SYN3: variants seen among roughly 807,000 people sequenced by gnomAD.
SYN3 encodes the protein synapsin-3.
Under a neutral mutation model 65.8 loss-of-function variants are expected in SYN3, and 35 were observed. The observed-to-expected ratio is 0.53, with a 90% CI of 0.41 to 0.70. SYN3 has a LOEUF of 0.70. SYN3 is among the 30% of genes least tolerant of loss of function. The pLI, the probability that SYN3 is intolerant of heterozygous loss-of-function variation, is 0.00. For missense variants in SYN3, 680 were observed against 749.0 expected, an observed-to-expected ratio of 0.91 and a Z score of 1.08; for synonymous variants, 270 against 292.9, an observed-to-expected ratio of 0.92 and a Z score of 0.80.
At chr22:32,596,766 A>C in intron 6 of SYN3, 30 bp from the exon 7 acceptor site, 3 of 1,611,322 alleles carry the variant, frequency 1.9e-6, no homozygotes, top group Non-Finnish European at 2.5e-6. Flanking sequence ...GTCACTCTTA[A>C]CATCTCAGAG....
At chr22:33,034,702 C>T (rs1208735513) in intron 1 of SYN3, among the ~76,000 whole-genome samples, 6 of 152,100 alleles carry the variant, frequency 3.9e-5, no homozygotes, top group East Asian at 3.9e-4. Flanking sequence ...CACACAACCC[C>T]GTAAAGCAAA....
At chr22:32,679,839 C>CTTTTTTTTTTGTTTTTTT (rs2060497876) in intron 6 of SYN3, among the ~76,000 whole-genome samples, 2 of 39,146 alleles carry the variant, frequency 5.1e-5, no homozygotes, top group African/African-American at 9.1e-5. Context: ...TGTTTTTTGG[C>CTTTTTTTTTTGTTTTTTT]TTTTTTTTTT....
rs758927603 is a variant in SYN3 at position 33,015,840 on chromosome 22, C to CTTTTTTTTTTTTTTTTTTTTTTT, written c.-162-9017_-162-9016insAAAAAAAAAAAAAAAAAAAAAAA. ...ACTGAACATTTAATAGGCAAATTTT[C>CTTTTTTTTTTTTTTTTTTTTTTT]TTTTCTTTTTTTTTTTTTTTAAGAC... On this transcript the variant is annotated intron_variant, in intron 1 of 13. Coordinates refer to ENST00000358763, the MANE Select transcript of SYN3 (RefSeq NM_003490.4). Among the ~76,000 whole-genome samples, 4 of 139,984 alleles carry CTTTTTTTTTTTTTTTTTTTTTTT rather than the reference C, an allele frequency of 2.9e-5. 1 individual carries two copies. The highest frequency in any genetic ancestry group is 4.5e-5 in the Non-Finnish European group (3 of 65,962). 91.8% of individuals were successfully genotyped at this position (139,984 alleles called of 152,430 possible). A position where few individuals can be genotyped will look rare whatever the true frequency, so the allele number is the denominator to read the frequency against.
chr22:32,651,723 T>G (rs1382487690), intron 6 of SYN3, among the ~76,000 whole-genome samples: 1 of 152,190 alleles, frequency 6.6e-6, no homozygotes, highest in Non-Finnish European at 1.5e-5. Flanking sequence ...CTTCCCAAAC[T>G]GCTACTGATG....
chr22:32,868,365 AATATCAT>A (rs2048745542), intron 5 of SYN3, among the ~76,000 whole-genome samples: 1 of 151,286 alleles, frequency 6.6e-6, no homozygotes, highest in African/African-American at 2.4e-5. Flanking sequence ...ACATATATGT[AATATCAT>A]ATATCATATA....
chr22:32,833,706 C>T, intron 6 of SYN3: 2 of 465,402 alleles, frequency 4.3e-6, no homozygotes, highest in Admixed American at 2.1e-5. Flanking sequence ...CTATGTCCAC[C>T]ACTTCCGCAT....
At chr22:33,030,280 C>T (rs996258542) in intron 1 of SYN3, among the ~76,000 whole-genome samples, 2 of 152,222 alleles carry the variant, frequency 1.3e-5, no homozygotes, top group Admixed American at 1.3e-4. Flanking sequence ...AATAAGTGCC[C>T]TCCTTCCTAG....
At chr22:32,514,924 G>A (rs2057746393) in intron 13 of SYN3, among the ~76,000 whole-genome samples, 1 of 152,112 alleles carries the variant, frequency 6.6e-6, no homozygotes, top group South Asian at 2.1e-4. Flanking sequence ...GCTGAGGCAG[G>A]AGAATGGCAT....
intron 7 of SYN3, among the ~76,000 whole-genome samples, chr22:32,554,621 T>C (rs905277635): frequency 6.6e-6 from 1 of 152,182 alleles, no homozygotes; most frequent in Non-Finnish European, 1.5e-5. Context: ...GTACCCCTGC[T>C]TTCTTTAAAA....
chr22:32,820,529 A>T (rs2047216853), intron 6 of SYN3, among the ~76,000 whole-genome samples: 1 of 151,854 alleles, frequency 6.6e-6, no homozygotes, highest in South Asian at 2.1e-4. Context: ...CCTTAACCCC[A>T]TTTACTTTGA....
intron 1 of SYN3, among the ~76,000 whole-genome samples, chr22:33,032,230 G>T (rs1313560896): frequency 6.7e-6 from 1 of 149,802 alleles, no homozygotes; most frequent in Non-Finnish European, 1.5e-5. Context: ...AAAAAATGCT[G>T]GGCATGGTGG....
At chr22:32,842,211 C>T (rs896683642) in intron 6 of SYN3, among the ~76,000 whole-genome samples, 2 of 152,054 alleles carry the variant, frequency 1.3e-5, no homozygotes, top group Non-Finnish European at 1.5e-5. Flanking sequence ...CATTCCAGTA[C>T]GCCGTGATCA....
At chr22:32,706,989 T>G (rs1359895593) in intron 6 of SYN3, among the ~76,000 whole-genome samples, 6 of 152,218 alleles carry the variant, frequency 3.9e-5, no homozygotes, top group Non-Finnish European at 7.3e-5. Context: ...GTCTCCTGTG[T>G]CAGCATACTC....
At chr22:32,838,467 T>A (rs2047800091) in intron 6 of SYN3, among the ~76,000 whole-genome samples, 1 of 152,096 alleles carries the variant, frequency 6.6e-6, no homozygotes, top group Admixed American at 6.5e-5. Flanking sequence ...CTGGGGCTAA[T>A]TTTGGTGTCA....
chr22:32,967,127 G>A (rs138492852), intron 3 of SYN3, among the ~76,000 whole-genome samples: 100 of 152,230 alleles, frequency 6.6e-4, no homozygotes, highest in Admixed American at 1.2e-3. Context: ...GCGTGTGCCT[G>A]ACACTTAGTA....
At chr22:32,817,825 C>A (rs1351365551) in intron 6 of SYN3, among the ~76,000 whole-genome samples, 2 of 152,136 alleles carry the variant, frequency 1.3e-5, no homozygotes, top group East Asian at 3.9e-4. Context: ...GGGCAGGCAC[C>A]CTGCGAGCAG....
chr22:32,620,490 C>A (rs1436471170), intron 6 of SYN3, among the ~76,000 whole-genome samples: 3 of 152,052 alleles, frequency 2.0e-5, no homozygotes, highest in Non-Finnish European at 4.4e-5. Flanking sequence ...TAAGGCCAAC[C>A]AACCAGCAGC....
At chr22:32,733,560 G>A (rs1390131550) in intron 6 of SYN3, among the ~76,000 whole-genome samples, 2 of 152,182 alleles carry the variant, frequency 1.3e-5, no homozygotes, top group African/African-American at 4.8e-5. Flanking sequence ...TAACATGGCC[G>A]GCGCCTGGCG....
chr22:33,025,110 T>C lies in SYN3; in HGVS notation c.-162-18286A>G, dbSNP rs574182117. ...ATCCCAACACTTTGGGAGGCTGAGG[T>C]GGGTGGATCACTAGGTCAGGAGTTC... On this transcript the variant is annotated intron_variant, in intron 1 of 13. Transcript: ENST00000358763. 5.8e-3 allele frequency among the ~76,000 whole-genome samples: 881 copies of C among 151,406 alleles called. 6 individuals carry two copies. The highest frequency in any genetic ancestry group is 0.029 in the South Asian group (138 of 4,778).
Sources: allele counts gnomAD v4.1 joint callset (sites outside exome capture counted in the v4.1 genomes callset), GRCh38; gene constraint gnomAD v4.1.1; transcripts MANE v1.5; gene names NCBI Gene and HGNC (gene_info 2026-07-23, HGNC 2026-07-21).